The following NWD2 variants were observed in gnomAD, a reference collection of about 807,000 sequenced individuals.
NWD2 encodes the protein NACHT and WD repeat domain-containing protein 2.
In NWD2, 37 loss-of-function variants were observed where a neutral mutation model predicts 132.7. The observed-to-expected ratio is 0.28, with a 90% CI of 0.21 to 0.37. NWD2 has a LOEUF of 0.37. Among genes scored for constraint, NWD2 ranks in the 10% least tolerant of loss-of-function variants. The probability of loss-of-function intolerance (pLI) is 1.00; values close to 1 mark genes in which losing one functional copy is unlikely to be tolerated. For synonymous variants in NWD2, 705 were observed against 803.0 expected (o/e 0.88, Z 2.06); for missense variants, 1,592 against 2,122.4 (o/e 0.75, Z 4.91).
intron 1 of NWD2, among the ~76,000 whole-genome samples, chr4:37,302,635 AT>A (rs1460848449): frequency 4.6e-5 from 7 of 151,578 alleles, no homozygotes; most frequent in Non-Finnish European, 5.9e-5. Flanking sequence ...TATTTTTTGT[AT>A]TTTTTGATAA....
At chr4:37,364,128 A>T (rs1043697191) in intron 3 of NWD2, among the ~76,000 whole-genome samples, 2 of 152,132 alleles carry the variant, frequency 1.3e-5, no homozygotes, top group Non-Finnish European at 2.9e-5. Flanking sequence ...ACAGAGCGAG[A>T]CTCTGTCTCA....
chr4:37,357,457 TA>T (rs1441559117), intron 3 of NWD2, among the ~76,000 whole-genome samples: 1 of 152,188 alleles, frequency 6.6e-6, no homozygotes, highest in African/African-American at 2.4e-5. Flanking sequence ...GTAAAGTGTA[TA>T]AAGGCTGTAT....
intron 2 of NWD2, among the ~76,000 whole-genome samples, chr4:37,326,855 C>T (rs1216243218): frequency 6.6e-6 from 1 of 152,056 alleles, no homozygotes; most frequent in Non-Finnish European, 1.5e-5. Context: ...AACATTTCAC[C>T]CTTTGTTTCC....
At chr4:37,329,068 G>T (rs1719235123) in intron 2 of NWD2, among the ~76,000 whole-genome samples, 1 of 151,994 alleles carries the variant, frequency 6.6e-6, no homozygotes, top group Non-Finnish European at 1.5e-5. Context: ...TGAAGACCCA[G>T]CCCAGATATA....
intron 3 of NWD2, among the ~76,000 whole-genome samples, chr4:37,416,396 A>G (rs949417308): frequency 6.6e-6 from 1 of 152,162 alleles, no homozygotes; most frequent in Non-Finnish European, 1.5e-5. Context: ...CCACTGATAT[A>G]AAGCCCTTAA....
At chr4:37,261,102 T>G (rs1402157401) in intron 1 of NWD2, among the ~76,000 whole-genome samples, 1 of 152,202 alleles carries the variant, frequency 6.6e-6, no homozygotes, top group Non-Finnish European at 1.5e-5. Context: ...AACACATGCT[T>G]GGCACAATGA....
chr4:37,325,719 G>A (rs1273987437), intron 1 of NWD2, among the ~76,000 whole-genome samples: 2 of 152,032 alleles, frequency 1.3e-5, no homozygotes, highest in Non-Finnish European at 2.9e-5. Context: ...ACCAAGAAGT[G>A]GTCCATCCTG....
chr4:37,334,144 GATA>G (rs1403641214), intron 2 of NWD2, among the ~76,000 whole-genome samples: 2 of 152,146 alleles, frequency 1.3e-5, no homozygotes, highest in Non-Finnish European at 2.9e-5. Flanking sequence ...TATTCAAAGG[GATA>G]ATAACAGAAC....
chr4:37,291,467 T>C (rs1258039902), intron 1 of NWD2, among the ~76,000 whole-genome samples: 1 of 152,204 alleles, frequency 6.6e-6, no homozygotes. Flanking sequence ...TTTAGTATAA[T>C]GGATTTTTAA....
chr4:37,321,040 C>T (rs542573435), intron 1 of NWD2, among the ~76,000 whole-genome samples: 29 of 152,062 alleles, frequency 1.9e-4, no homozygotes, highest in South Asian at 4.2e-4. Flanking sequence ...ACCTGTAATC[C>T]CAGCTACTAG....
intron 5 of NWD2, among the ~76,000 whole-genome samples, chr4:37,437,980 G>A (rs1712366441): frequency 6.6e-6 from 1 of 152,036 alleles, no homozygotes; most frequent in Non-Finnish European, 1.5e-5. Flanking sequence ...TGTGCTTTTG[G>A]GCTGGGCGTG....
chr4:37,321,363 A>G lies in NWD2; in HGVS notation c.152-4573A>G, dbSNP rs572929018. 3.3e-5 allele frequency among the ~76,000 whole-genome samples: 5 copies of G among 152,320 alleles called. No individual in the cohort carries two copies. The South Asian group carries it at 1.0e-3, about 32-fold the overall frequency. ...TTATTAATTCTCCCCCAACTAATGT[A>G]CTTCCTGTAGGTGACTCAGACACTG... On this transcript the variant is annotated intron_variant, in intron 1 of 6. Transcript: ENST00000309447.
At chr4:37,412,944 C>T (rs1053373250) in intron 3 of NWD2, among the ~76,000 whole-genome samples, 4 of 152,278 alleles carry the variant, frequency 2.6e-5, no homozygotes, top group Admixed American at 1.3e-4. Flanking sequence ...AAAACTGAAA[C>T]TGGACCCCTT....
rs561286756 is a variant in NWD2 at position 37,323,231 on chromosome 4, A to G, written c.152-2705A>G. The stretch of plus-strand genomic sequence containing the variant: ...TTAAATGTTAGAAATTTGGTGCTAT[A>G]GCAAAAGAATCTATTAACAGAGTAA... On this transcript the variant is annotated intron_variant, in intron 1 of 6. Transcript: ENST00000309447. 3.9e-5 allele frequency among the ~76,000 whole-genome samples: 6 copies of G among 152,324 alleles called. No homozygotes were observed. In the East Asian group the frequency reaches 9.6e-4, roughly 24 times the overall value.
At chr4:37,273,843 C>A (rs1454162807) in intron 1 of NWD2, among the ~76,000 whole-genome samples, 2 of 151,898 alleles carry the variant, frequency 1.3e-5, no homozygotes, top group South Asian at 4.2e-4. Context: ...GGGTACATAA[C>A]GAAATGAAGG....
chr4:37,415,769 T>C (rs1384410162), intron 3 of NWD2, among the ~76,000 whole-genome samples: 1 of 151,252 alleles, frequency 6.6e-6, no homozygotes, highest in African/African-American at 2.4e-5. Flanking sequence ...GAAAGTCCAG[T>C]TAAGGATTAG....
chr4:37,379,883 C>T (rs1720418696), intron 3 of NWD2, among the ~76,000 whole-genome samples: 1 of 152,154 alleles, frequency 6.6e-6, no homozygotes, highest in African/African-American at 2.4e-5. Flanking sequence ...CAACTGGAAG[C>T]CCACTGCTTT....
chr4:37,413,732 C>CA (rs1182085262), intron 3 of NWD2, among the ~76,000 whole-genome samples: 1 of 152,074 alleles, frequency 6.6e-6, no homozygotes, highest in Non-Finnish European at 1.5e-5. Flanking sequence ...AAATGTTCAT[C>CA]AATGATAGAC....
At chr4:37,368,764 C>T in intron 3 of NWD2, among the ~76,000 whole-genome samples, 1 of 152,080 alleles carries the variant, frequency 6.6e-6, no homozygotes, top group Non-Finnish European at 1.5e-5. Context: ...AGTGACAGGG[C>T]ATTATGGAAC....
Sources: allele counts gnomAD v4.1 joint callset (sites outside exome capture counted in the v4.1 genomes callset), GRCh38; gene constraint gnomAD v4.1.1; transcripts MANE v1.5; gene names NCBI Gene and HGNC (gene_info 2026-07-23, HGNC 2026-07-21).